SORD: variants seen among roughly 807,000 people sequenced by gnomAD.
SORD encodes sorbitol dehydrogenase, also known as (R,R)-butanediol dehydrogenase.
In SORD, 18 loss-of-function variants were observed where a neutral mutation model predicts 35.6. The observed-to-expected ratio is 0.51, with a 90% confidence interval of 0.35 to 0.75. The LOEUF (loss-of-function observed/expected upper bound fraction) is 0.75. SORD is among the 30% of genes least tolerant of loss of function. The probability of loss-of-function intolerance (pLI) is 0.01; values close to 1 mark genes in which losing one functional copy is unlikely to be tolerated. For synonymous variants in SORD, 106 were observed against 152.9 expected (o/e 0.69, Z 2.26); for missense variants, 250 against 390.2 (o/e 0.64, Z 3.03).
At chr15:45,024,777 A>G (rs1720689) in intron 1 of SORD, among the ~76,000 whole-genome samples, 28,808 of 150,530 alleles carry the variant, frequency 0.19, 3,356 homozygotes, top group East Asian at 0.32. Context: ...AGGGCCCAGA[A>G]AGGAGGACAC....
At chr15:45,057,294 T>C (rs1893232674) in intron 3 of SORD, among the ~76,000 whole-genome samples, 2 of 152,232 alleles carry the variant, frequency 1.3e-5, no homozygotes, top group Non-Finnish European at 2.9e-5. Context: ...TTGTGATTTT[T>C]AGGTTTTTTG....
chr15:45,033,964 A>G (rs571956488), intron 1 of SORD, among the ~76,000 whole-genome samples: 431 of 152,148 alleles, frequency 2.8e-3, no homozygotes, highest in African/African-American at 9.7e-3. Flanking sequence ...CTTTAGTATG[A>G]GTGGCTCCAT....
intron 4 of SORD, among the ~76,000 whole-genome samples, chr15:45,062,459 G>A (rs549216527): frequency 1.4e-4 from 22 of 152,130 alleles, no homozygotes; most frequent in Admixed American, 9.8e-4. Context: ...TTCCCCCACC[G>A]CAGCCTGGCC....
At chr15:45,033,020 C>T (rs1170650169) in intron 1 of SORD, among the ~76,000 whole-genome samples, 1 of 152,074 alleles carries the variant, frequency 6.6e-6, no homozygotes, top group Admixed American at 6.6e-5. Flanking sequence ...ACTTTCCCCA[C>T]ACACTGCTAG....
intron 3 of SORD, among the ~76,000 whole-genome samples, chr15:45,059,295 T>G (rs545255080): frequency 9.2e-5 from 14 of 151,872 alleles, no homozygotes; most frequent in East Asian, 5.8e-4. Flanking sequence ...TGCATCACTG[T>G]ACTCCAGCCT....
intron 5 of SORD, among the ~76,000 whole-genome samples, chr15:45,067,182 T>G (rs1893420195): frequency 1.3e-5 from 2 of 152,086 alleles, no homozygotes; most frequent in African/African-American, 4.8e-5. Context: ...GCCAACATGG[T>G]GAAACCCCGT....
At chr15:45,036,038 C>A (rs1430394707) in intron 1 of SORD, among the ~76,000 whole-genome samples, 1 of 151,386 alleles carries the variant, frequency 6.6e-6, no homozygotes, top group East Asian at 1.9e-4. Flanking sequence ...CAAACAACTG[C>A]AGAAACGCTG....
rs1893012389 is a variant in SORD, at chr15:45,044,313, A to C, written c.265+892A>C. On this transcript the variant is annotated intron_variant, in intron 3 of 8. Coordinates refer to ENST00000267814, the MANE Select transcript of SORD (RefSeq NM_003104.6). ...TATAACAAAGAGTGGGGTTCTGTAAATGTAAATTATAACAAGGGTTTAGTC... is the reference window on the plus strand; with the variant it reads ...TATAACAAAGAGTGGGGTTCTGTAACTGTAAATTATAACAAGGGTTTAGTC... 1.3e-5 allele frequency among the ~76,000 whole-genome samples: 2 copies of C among 152,102 alleles called. 1 individual carries two copies. Among genetic ancestry groups the C allele is most frequent in the South Asian group, 4.2e-4 (2 of 4,812 alleles).
In SORD at chr15:45,074,016, TC is replaced by T. The variant is rs1341840934; in HGVS notation, c.*487del. On this transcript the variant is annotated 3_prime_UTR_variant, in exon 9 of 9. Coordinates refer to ENST00000267814, the MANE Select transcript of SORD (RefSeq NM_003104.6). ...CACTTCCAGTTTAGAACGCAATGTT[TC>T]TAGAGACATATTGGCTGTTTGTTTT... 2.5e-5 allele frequency: 3 copies of T among 119,342 alleles called. No homozygotes were observed. The highest frequency in any genetic ancestry group is 5.0e-5 in the Non-Finnish European group (3 of 59,614). 7.4% of individuals were successfully genotyped at this position (119,342 alleles called of 1,614,324 possible).
intron 4 of SORD, among the ~76,000 whole-genome samples, chr15:45,063,282 T>G (rs894204331): frequency 1.3e-5 from 2 of 152,108 alleles, no homozygotes; most frequent in Non-Finnish European, 2.9e-5. Flanking sequence ...TTCCTGCTTC[T>G]CCTTGGCTTC....
chr15:45,063,686 G>A (rs1342902362), intron 4 of SORD, among the ~76,000 whole-genome samples: 3 of 152,134 alleles, frequency 2.0e-5, no homozygotes, highest in Non-Finnish European at 4.4e-5. Flanking sequence ...TAGTTTCCAC[G>A]CAAGCCACCC....
chr15:45,068,300 G>C (rs902806251), intron 6 of SORD, 54 bp downstream of exon 6: 4 of 1,283,220 alleles, frequency 3.1e-6, no homozygotes, highest in Non-Finnish European at 4.6e-6. Flanking sequence ...GGGTCCTACT[G>C]TATGTGCATG....
intron 3 of SORD, among the ~76,000 whole-genome samples, chr15:45,050,911 G>T (rs1252200966): frequency 2.0e-5 from 3 of 152,160 alleles, no homozygotes. Context: ...AAGTTAAAAA[G>T]GATTAGTTCA....
In SORD at chr15:45,073,797, GAACTCCCCTTCTTC is replaced by G. The variant is rs2141130020; in HGVS notation, c.*268_*281del. On this transcript the variant is annotated 3_prime_UTR_variant, in exon 9 of 9. Coordinates refer to ENST00000267814, the MANE Select transcript of SORD (RefSeq NM_003104.6). ...GCAGAGTTTGGCAGGCAGGTGCCAGGAACTCCCCTTCTTCCTGGAGTGCCTTCATTGAGGAAGGA... is the reference window on the plus strand; with the variant it reads ...GCAGAGTTTGGCAGGCAGGTGCCAGGCTGGAGTGCCTTCATTGAGGAAGGA... 1 of 166,552 alleles carries G rather than the reference GAACTCCCCTTCTTC, an allele frequency of 6.0e-6. No individual in the cohort carries two copies. The highest frequency in any genetic ancestry group is 2.1e-4 in the South Asian group (1 of 4,878). 10.3% of individuals were successfully genotyped at this position (166,552 alleles called of 1,614,324 possible). A position where few individuals can be genotyped will look rare whatever the true frequency, so the allele number is the denominator to read the frequency against.
intron 2 of SORD, among the ~76,000 whole-genome samples, chr15:45,042,978 G>C (rs1171712671): frequency 6.6e-6 from 1 of 151,930 alleles, no homozygotes; most frequent in East Asian, 1.9e-4. Context: ...AAGTCTATTG[G>C]TTTAAAAGTT....
Position 45,068,373 on chromosome 15 carries a change from G to C in SORD, c.610+127G>C, listed in dbSNP as rs1490421387. 11 of 736,602 alleles carry C rather than the reference G, an allele frequency of 1.5e-5. 1 individual carries two copies. In the East Asian group the frequency reaches 2.6e-4, roughly 17 times the overall value. 45.6% of individuals were successfully genotyped at this position (736,602 alleles called of 1,614,324 possible). On this transcript the variant is annotated intron_variant, in intron 6 of 8. Coordinates refer to ENST00000267814, the MANE Select transcript of SORD (RefSeq NM_003104.6). Reference sequence around the variant, plus strand: ...GAGTGTGTAGTGTCATATGGATTGTGGAAATATAGAAGAGTGTGAGTGTGT... The same window carrying C: ...GAGTGTGTAGTGTCATATGGATTGTCGAAATATAGAAGAGTGTGAGTGTGT...
At chr15:45,054,297 C>G (rs993283668) in intron 3 of SORD, among the ~76,000 whole-genome samples, 3 of 151,990 alleles carry the variant, frequency 2.0e-5, no homozygotes, top group Non-Finnish European at 4.4e-5. Flanking sequence ...CACATTCTCT[C>G]CAGCACCTGT....
intron 1 of SORD, among the ~76,000 whole-genome samples, chr15:45,030,214 T>C (rs72722068): frequency 0.21 from 31,170 of 150,674 alleles, no homozygotes; most frequent in African/African-American, 0.44. Flanking sequence ...CACCTCCTTT[T>C]GCTATCAAAA....
At chr15:45,053,707 A>AT (rs1893166161) in intron 3 of SORD, among the ~76,000 whole-genome samples, 1 of 150,192 alleles carries the variant, frequency 6.7e-6, no homozygotes, top group African/African-American at 2.5e-5. Flanking sequence ...GGTTAGTTAC[A>AT]TATGTATACA....
Sources: allele counts gnomAD v4.1 joint callset (sites outside exome capture counted in the v4.1 genomes callset), GRCh38; gene constraint gnomAD v4.1.1; transcripts MANE v1.5; gene names NCBI Gene and HGNC (gene_info 2026-07-23, HGNC 2026-07-21).